The following PDS5B variants were observed in gnomAD, a reference collection of about 807,000 sequenced individuals.
The protein encoded by PDS5B is PDS5 cohesin associated factor B.
Under a neutral mutation model 184.1 loss-of-function variants are expected in PDS5B, and 51 were observed. The ratio of observed to expected loss-of-function variants is 0.28; its 90% CI spans 0.22 to 0.35. The LOEUF is 0.35. Among genes scored for constraint, PDS5B ranks in the 10% least tolerant of loss-of-function variants. PDS5B has a pLI of 1.00. For missense variants in PDS5B, 1,180 were observed against 1,723.3 expected (o/e 0.68, Z 5.58); for synonymous variants, 566 against 569.2 (o/e 0.99, Z 0.08).
intron 1 of PDS5B, among the ~76,000 whole-genome samples, chr13:32,636,330 G>A (rs903078935): frequency 2.6e-5 from 4 of 152,170 alleles, no homozygotes; most frequent in South Asian, 2.1e-4. Flanking sequence ...TCATGCTTAC[G>A]TATATGAAGT....
At chr13:32,587,784 G>C (rs1333595666) in intron 1 of PDS5B, among the ~76,000 whole-genome samples, 3 of 152,242 alleles carry the variant, frequency 2.0e-5, no homozygotes, top group African/African-American at 7.2e-5. Context: ...AAGAGGTGAT[G>C]GATGGGCAGT....
chr13:32,619,876 A>G (rs1020006375), intron 1 of PDS5B, among the ~76,000 whole-genome samples: 3 of 152,002 alleles, frequency 2.0e-5, no homozygotes, highest in East Asian at 1.9e-4. Context: ...TTGGCTCACT[A>G]TAACCTTTGC....
intron 1 of PDS5B, among the ~76,000 whole-genome samples, chr13:32,643,960 A>G (rs897310895): frequency 6.6e-6 from 1 of 152,166 alleles, no homozygotes; most frequent in Non-Finnish European, 1.5e-5. Context: ...TTCCTTTGGC[A>G]TCTTCTGTGT....
intron 1 of PDS5B, among the ~76,000 whole-genome samples, chr13:32,645,008 T>G (rs1950183085): frequency 6.6e-6 from 1 of 152,226 alleles, no homozygotes; most frequent in African/African-American, 2.4e-5. Context: ...ATTGTTCTTT[T>G]CTTTTTTCTT....
chr13:32,694,086 G>A, intron 13 of PDS5B, 137 bp from the exon 14 acceptor site: 1 of 599,274 alleles, frequency 1.7e-6, no homozygotes, highest in Non-Finnish European at 2.9e-6. Context: ...CACATTATCA[G>A]TTGCTTAGTC....
chr13:32,614,053 TTTA>T (rs1177529257), intron 1 of PDS5B, among the ~76,000 whole-genome samples: 2 of 152,026 alleles, frequency 1.3e-5, no homozygotes, highest in Admixed American at 1.3e-4. Flanking sequence ...AATATGAGAG[TTTA>T]TTTCTAGGCT....
chr13:32,590,011 G>A (rs1349756835), intron 1 of PDS5B, among the ~76,000 whole-genome samples: 1 of 152,078 alleles, frequency 6.6e-6, no homozygotes, highest in Non-Finnish European at 1.5e-5. Context: ...ATGAGTGATC[G>A]TGCACAGTGA....
intron 1 of PDS5B, among the ~76,000 whole-genome samples, chr13:32,616,806 C>G (rs973111636): frequency 1.3e-5 from 2 of 152,208 alleles, no homozygotes; most frequent in Non-Finnish European, 2.9e-5. Flanking sequence ...CGAACACTCT[C>G]ATTTTTCAGT....
At chr13:32,610,328 A>G (rs937170940) in intron 1 of PDS5B, among the ~76,000 whole-genome samples, 1 of 152,228 alleles carries the variant, frequency 6.6e-6, no homozygotes, top group East Asian at 1.9e-4. Context: ...ATTGAGTTCT[A>G]ATTCTAATGA....
At position 32,597,837 on chromosome 13, in the gene PDS5B, C is replaced by A. The variant is rs191220110; in HGVS notation, c.-20+11244C>A. Among the ~76,000 whole-genome samples the A allele has an allele frequency of 4.1e-3, 599 of 147,808 alleles. 11 individuals are homozygous for A. The highest frequency in any genetic ancestry group is 0.014 in the African/African-American group (572 of 39,800). On this transcript the variant is annotated intron_variant, in intron 1 of 34. Coordinates refer to ENST00000315596, the MANE Select transcript of PDS5B (RefSeq NM_015032.4). ...ACTCCAGCCTGGCGACAGCGAGACT[C>A]TGTCTCAAAAAAAAAAAAAAGAAAA... is the stretch of plus-strand genomic sequence containing the variant.
chr13:32,658,702 T>G (rs953836330), intron 5 of PDS5B, among the ~76,000 whole-genome samples, 171 bp downstream of exon 5: 10 of 152,192 alleles, frequency 6.6e-5, no homozygotes, highest in Non-Finnish European at 8.8e-5. Flanking sequence ...AATTTTGTAT[T>G]ATATGTAATT....
At chr13:32,647,080 G>A (rs934418910) in intron 1 of PDS5B, among the ~76,000 whole-genome samples, 1 of 151,998 alleles carries the variant, frequency 6.6e-6, no homozygotes, top group Non-Finnish European at 1.5e-5. Context: ...TTTGTAGGTT[G>A]GTATTTTATG....
chr13:32,711,418 C>T (rs528198577), intron 19 of PDS5B, among the ~76,000 whole-genome samples: 36 of 151,288 alleles, frequency 2.4e-4, no homozygotes, highest in East Asian at 4.0e-4. Context: ...AGTGCTGTGG[C>T]GCAATCTTGG....
At chr13:32,597,552 G>T (rs941125070) in intron 1 of PDS5B, among the ~76,000 whole-genome samples, 1 of 151,506 alleles carries the variant, frequency 6.6e-6, no homozygotes, top group East Asian at 2.0e-4. Flanking sequence ...GAGGCCGGGC[G>T]CAGTGGCCCA....
At chr13:32,615,247 C>T (rs1416610141) in intron 1 of PDS5B, among the ~76,000 whole-genome samples, 1 of 152,140 alleles carries the variant, frequency 6.6e-6, no homozygotes, top group Non-Finnish European at 1.5e-5. Context: ...TGAGGTTTGT[C>T]TATCTTGTTG....
chr13:32,675,806 C>A, intron 8 of PDS5B, 38 bp from the exon 9 acceptor site: 1 of 1,237,478 alleles, frequency 8.1e-7, no homozygotes, highest in Non-Finnish European at 1.2e-6. Flanking sequence ...TGAATATCTA[C>A]TGCATGGTTT....
At chr13:32,590,245 A>G (rs1033027237) in intron 1 of PDS5B, among the ~76,000 whole-genome samples, 4 of 152,236 alleles carry the variant, frequency 2.6e-5, no homozygotes, top group Non-Finnish European at 5.9e-5. Context: ...TTAAGGACTA[A>G]AAGTATTCCA....
At chr13:32,730,580 A>G (rs1953076478) in intron 19 of PDS5B, among the ~76,000 whole-genome samples, 1 of 152,184 alleles carries the variant, frequency 6.6e-6, no homozygotes. Flanking sequence ...ATCCATGAGC[A>G]TGGAATGTTT....
intron 1 of PDS5B, among the ~76,000 whole-genome samples, chr13:32,599,871 T>G (rs1334177320): frequency 6.6e-6 from 1 of 152,050 alleles, no homozygotes; most frequent in African/African-American, 2.4e-5. Context: ...GCCGAGATCG[T>G]GCCAGTGTGC....
Sources: allele counts gnomAD v4.1 joint callset (sites outside exome capture counted in the v4.1 genomes callset), GRCh38; gene constraint gnomAD v4.1.1; transcripts MANE v1.5; gene names NCBI Gene and HGNC (gene_info 2026-07-23, HGNC 2026-07-21).